KIF18A: variants seen among roughly 807,000 people sequenced by gnomAD.
KIF18A encodes kinesin-like protein KIF18A.
In KIF18A, 67 loss-of-function variants were observed where a neutral mutation model predicts 103.3. The ratio of observed to expected loss-of-function variants is 0.65; its 90% confidence interval spans 0.53 to 0.79. The LOEUF (loss-of-function observed/expected upper bound fraction) is 0.79. Ranked by LOEUF, KIF18A falls within the 30% of genes least tolerant of loss-of-function variation. KIF18A has a pLI of 0.00. For missense variants in KIF18A, 1,032 were observed against 1,062.5 expected (o/e 0.97, Z 0.40); for synonymous variants, 367 against 355.5 (o/e 1.03, Z -0.36).
chr11:28,021,439 G>A (rs950681818), intron 16 of KIF18A, among the ~76,000 whole-genome samples, 157 bp from the exon 17 acceptor site: 1 of 152,106 alleles, frequency 6.6e-6, no homozygotes, highest in African/African-American at 2.4e-5. Context: ...CAACAACAAA[G>A]AGACATTAAT....
chr11:28,104,150 C>T (rs771659356), intron 1 of KIF18A, among the ~76,000 whole-genome samples: 36 of 152,124 alleles, frequency 2.4e-4, no homozygotes, highest in East Asian at 1.9e-4. Context: ...TATGCAAGTA[C>T]AATAAATTTT....
At chr11:28,088,833 A>C in intron 5 of KIF18A, 112 bp from the exon 6 acceptor site, 1 of 809,278 alleles carries the variant, frequency 1.2e-6, no homozygotes, top group Non-Finnish European at 2.0e-6. Context: ...TTTAAAAAAC[A>C]ACTGAACAAG....
At chr11:28,049,628 C>G (rs181142151) in intron 13 of KIF18A, among the ~76,000 whole-genome samples, 1 of 152,048 alleles carries the variant, frequency 6.6e-6, no homozygotes, top group East Asian at 1.9e-4. Flanking sequence ...TCTTCCTTTG[C>G]AAGCAAGCAC....
At chr11:28,026,321 A>G (rs927033246) in intron 15 of KIF18A, among the ~76,000 whole-genome samples, 42 of 151,936 alleles carry the variant, frequency 2.8e-4, no homozygotes, top group African/African-American at 9.6e-4. Flanking sequence ...ATATTAGAAT[A>G]TATACACAAC....
Position 28,077,089 on chromosome 11 carries a change from T to C in KIF18A, c.1343A>G (p.Lys448Arg). Reference sequence around the variant, plus strand: ...GTAGAATGATTTAAGTTCATTTTCTTTAAGTAACATTTCCAACTTCAGATA... The same window carrying C: ...GTAGAATGATTTAAGTTCATTTTCTCTAAGTAACATTTCCAACTTCAGATA... Reference protein sequence around the residue: ...QEYLKLEMLLKENELKSFYQQ... With the variant: ...QEYLKLEMLLRENELKSFYQQ... The change falls in exon 10 of 17, where the codon AAA becomes AGA. Residue 448 changes from lysine to arginine, a missense_variant. Lys to Arg is a conservative substitution (Grantham distance 26, BLOSUM62 2). Transcript: ENST00000263181. 6.3e-7 allele frequency: 1 copy of C among 1,578,356 alleles called. No individual in the cohort carries two copies. Among genetic ancestry groups the C allele is most frequent in the South Asian group, 1.2e-5 (1 of 85,532 alleles).
At chr11:28,024,005 C>T (rs547733957) in intron 15 of KIF18A, among the ~76,000 whole-genome samples, 155 bp from the exon 16 acceptor site, 1 of 151,476 alleles carries the variant, frequency 6.6e-6, no homozygotes, top group Non-Finnish European at 1.5e-5. Flanking sequence ...ACATTTTTGG[C>T]CCACAGAGAA....
At chr11:28,024,893 G>A (rs776038606) in intron 15 of KIF18A, among the ~76,000 whole-genome samples, 2 of 151,916 alleles carry the variant, frequency 1.3e-5, no homozygotes, top group Non-Finnish European at 2.9e-5. Context: ...TTCTAAGATC[G>A]CCAGTGGATG....
intron 15 of KIF18A, among the ~76,000 whole-genome samples, chr11:28,032,191 A>G (rs1288320951): frequency 6.6e-6 from 1 of 151,866 alleles, no homozygotes; most frequent in Admixed American, 6.6e-5. Flanking sequence ...CATAATGAAA[A>G]CTATAAAACA....
intron 2 of KIF18A, among the ~76,000 whole-genome samples, chr11:28,095,233 T>G (rs771260658): frequency 1.2e-4 from 19 of 152,252 alleles, no homozygotes; most frequent in Non-Finnish European, 1.9e-4. Context: ...CTGCTTATTT[T>G]GCCAGCCTAC....
At chr11:28,034,727 G>A (rs1193814723) in intron 15 of KIF18A, among the ~76,000 whole-genome samples, 2 of 151,506 alleles carry the variant, frequency 1.3e-5, no homozygotes, top group East Asian at 1.9e-4. Context: ...TTTTCTGTTC[G>A]GCCTCTATGC....
chr11:28,073,257 T>C (rs1409308785), intron 10 of KIF18A, among the ~76,000 whole-genome samples: 1 of 152,040 alleles, frequency 6.6e-6, no homozygotes, highest in Non-Finnish European at 1.5e-5. Flanking sequence ...TTGAGTATAG[T>C]TATGCATTTC....
intron 1 of KIF18A, among the ~76,000 whole-genome samples, chr11:28,107,482 T>C (rs1851544666): frequency 5.9e-5 from 9 of 152,172 alleles, no homozygotes; most frequent in Admixed American, 5.9e-4. Flanking sequence ...CAGTATCTCT[T>C]CCGTACCTCA....
Position 28,092,329 on chromosome 11 carries a change from A to G in KIF18A, c.484-816T>C, listed in dbSNP as rs1324060351. On this transcript the variant is annotated intron_variant, in intron 3 of 16. Coordinates refer to ENST00000263181, the MANE Select transcript of KIF18A (RefSeq NM_031217.4). ...TTTGTTTCGGTTATCCTTCAATTAC[A>G]TTAATTTTGACATATAATTACTAAT... 2.0e-5 allele frequency among the ~76,000 whole-genome samples: 3 copies of G among 152,278 alleles called. No individual in the cohort carries two copies. The East Asian group carries it at 5.8e-4, about 29-fold the overall frequency.
intron 14 of KIF18A, 57 bp downstream of exon 14, chr11:28,036,160 T>C: frequency 8.8e-7 from 1 of 1,131,890 alleles, no homozygotes. Flanking sequence ...AAACCTCAAC[T>C]AATAGTTGAA....
chr11:28,098,012 ATAAAGTTTTAATATCAGTTTT>A lies in KIF18A; in HGVS notation c.-46-40_-46-20del, dbSNP rs1171174373. The A allele has an allele frequency of 7.9e-7, 1 of 1,259,966 alleles. No homozygotes were observed. The highest frequency in any genetic ancestry group is 1.5e-5 in the African/African-American group (1 of 66,476). The allele number at this position is 1,259,966 out of a possible 1,614,324, so 78.0% of individuals were successfully genotyped here. On this transcript the variant is annotated intron_variant, in intron 1 of 16. Coordinates refer to ENST00000263181, the MANE Select transcript of KIF18A (RefSeq NM_031217.4). The stretch of plus-strand genomic sequence containing the variant: ...TACTTCTCTGAAATTAAAAAAGAAA[ATAAAGTTTTAATATCAGTTTT>A]TACTTTCATGCAAAACAACTGGCAT...
At chr11:28,030,528 A>C (rs1287718104) in intron 15 of KIF18A, among the ~76,000 whole-genome samples, 1 of 152,208 alleles carries the variant, frequency 6.6e-6, no homozygotes, top group Non-Finnish European at 1.5e-5. Context: ...ACAAAAATTA[A>C]TTCAAGATGG....
intron 13 of KIF18A, among the ~76,000 whole-genome samples, chr11:28,048,957 A>C (rs1850675460): frequency 6.6e-6 from 1 of 152,094 alleles, no homozygotes; most frequent in Non-Finnish European, 1.5e-5. Flanking sequence ...TGCTGGACAA[A>C]AGTATGCCTA....
intron 3 of KIF18A, among the ~76,000 whole-genome samples, chr11:28,093,854 A>C (rs1202091168): frequency 6.6e-6 from 1 of 152,176 alleles, no homozygotes; most frequent in Non-Finnish European, 1.5e-5. Context: ...ACAATAGATA[A>C]AAGTTTGAGG....
chr11:28,078,179 A>G (rs987105832), intron 9 of KIF18A, among the ~76,000 whole-genome samples: 14 of 152,122 alleles, frequency 9.2e-5, no homozygotes, highest in African/African-American at 1.9e-4. Context: ...CGGTAAAAAC[A>G]CTGCCAATTT....
Sources: allele counts gnomAD v4.1 joint callset (sites outside exome capture counted in the v4.1 genomes callset), GRCh38; gene constraint gnomAD v4.1.1; transcripts MANE v1.5; gene names NCBI Gene and HGNC (gene_info 2026-07-23, HGNC 2026-07-21).